The following HORMAD2 variants were observed in gnomAD, a reference collection of about 807,000 sequenced individuals.
HORMAD2 encodes HORMA domain containing 2, also known as HORMA domain-containing protein 2.
HORMAD2 carries 45 observed loss-of-function variants against 38.8 expected under a neutral mutation model. That is an observed-to-expected ratio of 1.16 (90% CI 0.91 to 1.49). HORMAD2 has a LOEUF of 1.49. Among genes scored for constraint, HORMAD2 ranks in the 40% most tolerant of loss-of-function variants. The pLI, the probability that HORMAD2 is intolerant of heterozygous loss-of-function variation, is 0.00. For synonymous variants in HORMAD2, 126 were observed against 122.8 expected (o/e 1.03, Z -0.17); for missense variants, 338 against 367.0 (o/e 0.92, Z 0.65).
chr22:30,198,115 C>T, the HORMAD2 span, among the ~76,000 whole-genome samples: 30 of 151,974 alleles, frequency 2.0e-4, no homozygotes, highest in Non-Finnish European at 2.9e-4. Context: ...ACCCGGGAGG[C>T]GAAGGTTGCA....
rs778315866 is a variant in HORMAD2 at position 30,122,136 on chromosome 22, T to C, written c.741T>C (p.Asn247=). 6.2e-7 allele frequency: 1 copy of C among 1,613,686 alleles called. No homozygotes were observed. The highest frequency in any genetic ancestry group is 8.5e-7 in the Non-Finnish European group (1 of 1,179,766). The change falls in exon 10 of 11, where the codon AAT becomes AAC. Residue 247 remains asparagine (N), a synonymous_variant. Coordinates refer to ENST00000336726, the MANE Select transcript of HORMAD2 (RefSeq NM_152510.4). The part of the protein sequence containing the change: ...EATKVIDLEN[N]LFRENSTTEI... Reference sequence around the variant, plus strand: ...CAAAAGTGATTGATTTGGAGAACAATCTGTTTCGGGAGAACAGCACTACTG... The same window carrying C: ...CAAAAGTGATTGATTTGGAGAACAACCTGTTTCGGGAGAACAGCACTACTG...
intron 10 of HORMAD2, among the ~76,000 whole-genome samples, chr22:30,146,565 A>G (rs1411799117): frequency 6.6e-6 from 1 of 152,192 alleles, no homozygotes; most frequent in Non-Finnish European, 1.5e-5. Context: ...CCTTGACTGT[A>G]TAAAAGACAT....
chr22:30,104,585 A>G (rs1308998738), intron 5 of HORMAD2, 148 bp downstream of exon 5: 2 of 592,502 alleles, frequency 3.4e-6, no homozygotes, highest in African/African-American at 3.8e-5. Flanking sequence ...TTATGTCTTT[A>G]TTGTCCTGTT....
In HORMAD2 at chr22:30,096,492, T is replaced by TG. The variant is rs2068785002; in HGVS notation, c.52-2360_52-2359insG. On this transcript the variant is annotated intron_variant, in intron 2 of 10. Coordinates refer to ENST00000336726, the MANE Select transcript of HORMAD2 (RefSeq NM_152510.4). ...ATTCTCTCATTGTGATTTTTTTTTT[T>TG]TTGACAGTCTCACTCTGTCACCCAG... Among the ~76,000 whole-genome samples, 7 of 152,018 alleles carry TG rather than the reference T, an allele frequency of 4.6e-5. No homozygotes were observed. In the South Asian group the frequency reaches 1.5e-3, roughly 32 times the overall value.
At chr22:30,207,033 G>A in the HORMAD2 span, 7 of 469,564 alleles carry the variant, frequency 1.5e-5, no homozygotes, top group Non-Finnish European at 2.7e-5. Context: ...GTCCCCTCGT[G>A]TCGGCCTTGC....
chr22:30,136,424 G>GA (rs1020221697), intron 10 of HORMAD2, among the ~76,000 whole-genome samples: 5 of 151,880 alleles, frequency 3.3e-5, no homozygotes, highest in Admixed American at 2.6e-4. Flanking sequence ...TTCATCACCT[G>GA]AAAAAAACCC....
chr22:30,180,903 C>A (rs1228524644), downstream of HORMAD2, among the ~76,000 whole-genome samples: 2 of 134,114 alleles, frequency 1.5e-5, no homozygotes, highest in Non-Finnish European at 3.2e-5. Flanking sequence ...CCTTCCCTTT[C>A]CCTTTCCCTT....
the HORMAD2 span, among the ~76,000 whole-genome samples, chr22:30,183,716 A>G: frequency 6.6e-6 from 1 of 152,224 alleles, no homozygotes; most frequent in African/African-American, 2.4e-5. Context: ...AAATAATATA[A>G]GAAAATATTC....
At chr22:30,154,989 G>A (rs1924974504) in intron 10 of HORMAD2, among the ~76,000 whole-genome samples, 1 of 151,210 alleles carries the variant, frequency 6.6e-6, no homozygotes, top group Admixed American at 6.6e-5. Flanking sequence ...AGGATCACTT[G>A]AACCCAACAG....
the HORMAD2 span, among the ~76,000 whole-genome samples, chr22:30,205,646 A>G: frequency 2.6e-5 from 4 of 152,148 alleles, no homozygotes; most frequent in Admixed American, 6.5e-5. Flanking sequence ...GTGATGAGGT[A>G]CTGACGAAAG....
chr22:30,153,979 AT>A (rs138803542), intron 10 of HORMAD2, among the ~76,000 whole-genome samples: 42 of 152,258 alleles, frequency 2.8e-4, no homozygotes, highest in Non-Finnish European at 5.4e-4. Flanking sequence ...TGCACAGTTT[AT>A]TTCACCAAAG....
At chr22:30,161,656 G>T (rs1925447825) in intron 10 of HORMAD2, among the ~76,000 whole-genome samples, 1 of 151,960 alleles carries the variant, frequency 6.6e-6, no homozygotes, top group African/African-American at 2.4e-5. Flanking sequence ...TTTTTCTATT[G>T]AAAAGTATTT....
At chr22:30,179,254 A>G (rs924811877), downstream of HORMAD2, among the ~76,000 whole-genome samples, 2 of 152,238 alleles carry the variant, frequency 1.3e-5, no homozygotes, top group African/African-American at 4.8e-5. Context: ...AACTGAACAC[A>G]CTATGCATGT....
At chr22:30,177,873 G>T (rs1403026131), downstream of HORMAD2, among the ~76,000 whole-genome samples, 2 of 151,822 alleles carry the variant, frequency 1.3e-5, no homozygotes, top group Non-Finnish European at 2.9e-5. Context: ...AGAGATGGGG[G>T]TTCGCCATGT....
intron 1 of HORMAD2, among the ~76,000 whole-genome samples, chr22:30,082,795 C>CA (rs200117496): frequency 0.13 from 11,175 of 86,066 alleles, 767 homozygotes; most frequent in South Asian, 0.25. Flanking sequence ...TACTCTGTCT[C>CA]AAAAAAAAAA....
chr22:30,185,663 G>T, the HORMAD2 span, among the ~76,000 whole-genome samples: 2 of 152,084 alleles, frequency 1.3e-5, no homozygotes, highest in Non-Finnish European at 2.9e-5. Context: ...AACCAATTCT[G>T]CAACCAAAAA....
intron 7 of HORMAD2, among the ~76,000 whole-genome samples, chr22:30,115,383 C>T (rs1229823709): frequency 6.6e-6 from 1 of 152,134 alleles, no homozygotes; most frequent in Non-Finnish European, 1.5e-5. Context: ...GCTGGGATTA[C>T]AGGTGTGAGC....
the HORMAD2 span, among the ~76,000 whole-genome samples, chr22:30,183,934 C>T: frequency 6.6e-6 from 1 of 152,304 alleles, no homozygotes; most frequent in South Asian, 2.1e-4. Context: ...GTGCACAACC[C>T]CATGATGTTT....
the HORMAD2 span, among the ~76,000 whole-genome samples, chr22:30,201,160 G>A: frequency 1.3e-5 from 2 of 152,174 alleles, no homozygotes; most frequent in Admixed American, 1.3e-4. Flanking sequence ...GCCTCTCCTA[G>A]CTTCCAGTGG....
Sources: gnomAD v4.1 joint callset for allele counts (sites outside exome capture counted in the v4.1 genomes callset) on GRCh38, gnomAD v4.1.1 for gene constraint, MANE v1.5 for transcripts, NCBI Gene and HGNC (gene_info 2026-07-23, HGNC 2026-07-21) for gene names.